PROX2: variants seen among roughly 807,000 people sequenced by gnomAD.
PROX2 encodes prospero homeobox 2.
A neutral mutation model predicts 48.9 loss-of-function variants in PROX2; 46 were observed. That is an observed-to-expected ratio of 0.94 (90% CI 0.74 to 1.20). The LOEUF is 1.20. Ranked by LOEUF, PROX2 falls within the 50% of genes most tolerant of loss-of-function variation. PROX2 has a pLI of 0.00. For synonymous variants in PROX2, 260 were observed against 276.6 expected, an observed-to-expected ratio of 0.94 and a Z score of 0.60; for missense variants, 663 against 719.4, an observed-to-expected ratio of 0.92 and a Z score of 0.90.
At chr14:74,872,993 T>C (rs565931756) in intron 1 of PROX2, among the ~76,000 whole-genome samples, 1 of 152,264 alleles carries the variant, frequency 6.6e-6, no homozygotes, top group East Asian at 1.9e-4. Flanking sequence ...TAGCTATTTT[T>C]TTTTTCTTTT....
intron 3 of PROX2, chr14:74,861,177 G>C (rs1427250688): frequency 7.4e-7 from 1 of 1,345,852 alleles, no homozygotes; most frequent in Non-Finnish European, 9.9e-7. Flanking sequence ...TGCCCTCACA[G>C]TAGTTGCCAG....
chr14:74,862,978 G>C lies in PROX2; in HGVS notation c.857C>G (p.Ala286Gly). The C allele has an allele frequency of 6.2e-7, 1 of 1,614,014 alleles. No individual in the cohort carries two copies. ...GGACKDPLAL[A>G]ALPRRVQLQA... ...TAGCTGGACCCTCCTGGGCAAGGCA[G>C]CCAAAGCAAGTGGATCTTTACAGGC... Residue 286 changes from alanine to glycine, a missense_variant, in exon 3 of 6, where the codon GCT (alanine) becomes GGT (glycine). Coordinates refer to ENST00000556489, the MANE Select transcript of PROX2 (RefSeq NM_001243007.2).
At chr14:74,871,340 TAAA>T (rs1000174504) in intron 1 of PROX2, 103 bp from the exon 2 acceptor site, 11 of 152,110 alleles carry the variant, frequency 7.2e-5, no homozygotes, top group Admixed American at 7.2e-4. Context: ...GTACCAGAAA[TAAA>T]AAACCCCACT....
At chr14:74,859,843 C>T (rs1291423061) in intron 3 of PROX2, among the ~76,000 whole-genome samples, 2 of 152,206 alleles carry the variant, frequency 1.3e-5, no homozygotes, top group African/African-American at 4.8e-5. Context: ...CTTACCCTTC[C>T]TACAGATCCA....
At chr14:74,859,587 A>G (rs912948933) in intron 3 of PROX2, among the ~76,000 whole-genome samples, 1 of 152,226 alleles carries the variant, frequency 6.6e-6, no homozygotes, top group Non-Finnish European at 1.5e-5. Context: ...CAGGACGGAA[A>G]TGAAAAAAAG....
At chr14:74,857,962 A>C (rs937929737) in intron 4 of PROX2, 1 of 153,290 alleles carries the variant, frequency 6.5e-6, no homozygotes, top group African/African-American at 2.4e-5. Flanking sequence ...GGGTTTTACC[A>C]TGTTGGTCAG....
Position 74,855,010 on chromosome 14 carries a change from TTTGATAGAG to T in PROX2, c.*113_*121del, listed in dbSNP as rs2091731096. The stretch of plus-strand genomic sequence containing the variant: ...TGATCAAAATGGTAATAGTACCTGT[TTTGATAGAG>T]GAGATTTCCTTGTGCCCTTTTTATA... On this transcript the variant is annotated 3_prime_UTR_variant, in exon 6 of 6. Transcript: ENST00000556489. The T allele has an allele frequency of 3.7e-6, 2 of 547,934 alleles. No homozygotes were observed. The highest frequency in any genetic ancestry group is 6.1e-5 in the East Asian group (2 of 32,636). 33.9% of individuals were successfully genotyped at this position (547,934 alleles called of 1,614,324 possible).
rs199570102 is a variant in PROX2 at position 74,863,611 on chromosome 14, A to G, written c.224T>C (p.Met75Thr). The G allele has an allele frequency of 5.0e-4, 806 of 1,606,138 alleles. No individual in the cohort carries two copies. Among genetic ancestry groups the G allele is most frequent in the South Asian group, 3.0e-3 (268 of 89,422 alleles). The change falls in exon 3 of 6, where the codon ATG becomes ACG. Residue 75 changes from methionine to threonine, a missense_variant. Transcript: ENST00000556489. ...RARVETIVRG[M>T]CLSPNPLVPG... ...CACCAGAGGATTCGGGGAGAGACACATGCCTCGGACAATGGTCTCCACTCT... is the reference window on the plus strand; with the variant it reads ...CACCAGAGGATTCGGGGAGAGACACGTGCCTCGGACAATGGTCTCCACTCT...
intron 1 of PROX2, among the ~76,000 whole-genome samples, chr14:74,873,017 G>T (rs147330466): frequency 6.6e-6 from 1 of 152,082 alleles, no homozygotes; most frequent in African/African-American, 2.4e-5. Context: ...ATGGAGTCTC[G>T]CTGTGTCACC....
chr14:74,874,547 G>A (rs764851638), intron 1 of PROX2, among the ~76,000 whole-genome samples: 8 of 151,974 alleles, frequency 5.3e-5, no homozygotes, highest in East Asian at 1.9e-4. Flanking sequence ...CACCGCGCCC[G>A]GCCTATACAA....
intron 1 of PROX2, chr14:74,873,996 G>C: frequency 2.0e-6 from 1 of 508,800 alleles, no homozygotes; most frequent in Non-Finnish European, 4.0e-6. Context: ...TATTGACATG[G>C]TTCAATGTGA....
chr14:74,867,822 T>G (rs1883099064), intron 2 of PROX2, among the ~76,000 whole-genome samples: 1 of 152,180 alleles, frequency 6.6e-6, no homozygotes, highest in Non-Finnish European at 1.5e-5. Context: ...GGGTAACAGA[T>G]GGGACCAGTG....
chr14:74,860,397 TA>T (rs2091785252), intron 3 of PROX2, among the ~76,000 whole-genome samples: 2 of 151,754 alleles, frequency 1.3e-5, no homozygotes, highest in African/African-American at 2.4e-5. Flanking sequence ...GCATCATTCT[TA>T]GGGGGGGAAA....
At position 74,855,620 on chromosome 14, in the gene PROX2, C is replaced by T. The variant is rs141622978; in HGVS notation, c.1609-318G>A. ...AATCTTACTGAAAGTAAATCTGTGG[C>T]TCAAAGAGACTTCGGTATTCTTTTC... On this transcript the variant is annotated intron_variant, in intron 5 of 5. Transcript: ENST00000556489. 3.3e-3 allele frequency: 757 copies of T among 231,420 alleles called. 5 individuals carry two copies. Among genetic ancestry groups the T allele is most frequent in the African/African-American group, 0.016 (701 of 44,744 alleles). The allele number at this position is 231,420 out of a possible 1,614,324, so 14.3% of individuals were successfully genotyped here. A position where few individuals can be genotyped will look rare whatever the true frequency, so the allele number is the denominator to read the frequency against.
rs748527087 is a variant in PROX2 at position 74,854,337 on chromosome 14, C to T, written c.*795G>A. 4.2e-5 allele frequency: 17 copies of T among 404,544 alleles called. No individual in the cohort carries two copies. Among genetic ancestry groups the T allele is most frequent in the Middle Eastern group, 4.4e-4 (1 of 2,268 alleles). 25.1% of individuals were successfully genotyped at this position (404,544 alleles called of 1,614,324 possible). ...TGAAATGATCAGCAGAAATCTTGGGCGGTGAAGTGCTCCTAAGTGCTGGGC... is the reference window on the plus strand; with the variant it reads ...TGAAATGATCAGCAGAAATCTTGGGTGGTGAAGTGCTCCTAAGTGCTGGGC... On this transcript the variant is annotated 3_prime_UTR_variant, in exon 6 of 6. Coordinates refer to ENST00000556489, the MANE Select transcript of PROX2 (RefSeq NM_001243007.2).
At position 74,863,769 on chromosome 14, in the gene PROX2, A is replaced by AC; in HGVS notation, c.65dup (p.Cys22TrpfsTer15). 6.6e-7 allele frequency: 1 copy of AC among 1,526,558 alleles called. No homozygotes were observed. The allele number at this position is 1,526,558 out of a possible 1,614,324, so 94.6% of individuals were successfully genotyped here. ...GGGATGAGCTTCTCTCGCCTTCCGT[A>AC]CAAGCTTCTGCTAGGTGGGAGCAGA... On this transcript the variant is annotated frameshift_variant, in exon 3 of 6. Transcript: ENST00000556489. LOFTEE classifies it high-confidence loss of function.
chr14:74,854,983 A>G lies in PROX2; in HGVS notation c.*149T>C. On this transcript the variant is annotated 3_prime_UTR_variant, in exon 6 of 6. Coordinates refer to ENST00000556489, the MANE Select transcript of PROX2 (RefSeq NM_001243007.2). ...TCTGATGATTCTGGAAAGGGAAATA[A>G]ATGATCAAAATGGTAATAGTACCTG... 2.2e-6 allele frequency: 1 copy of G among 458,754 alleles called. No individual in the cohort carries two copies. The allele number at this position is 458,754 out of a possible 1,614,324, so 28.4% of individuals were successfully genotyped here.
intron 2 of PROX2, chr14:74,865,151 A>G (rs1177173550): frequency 1.9e-5 from 2 of 107,370 alleles, no homozygotes; most frequent in Admixed American, 8.9e-5. Flanking sequence ...TCTTAAGAAA[A>G]AAAAGAAAAA....
At chr14:74,874,357 ATTC>A in intron 1 of PROX2, 2 of 233,492 alleles carry the variant, frequency 8.6e-6, no homozygotes, top group South Asian at 5.1e-5. Context: ...GGTTCAAGCG[ATTC>A]TTCTCACTCA....
Sources: allele counts gnomAD v4.1 joint callset (sites outside exome capture counted in the v4.1 genomes callset), GRCh38; gene constraint gnomAD v4.1.1; transcripts MANE v1.5; gene names NCBI Gene and HGNC (gene_info 2026-07-23, HGNC 2026-07-21).